The following DLGAP2 variants were observed in gnomAD, a reference collection of about 807,000 sequenced individuals.
DLGAP2 encodes DLG associated protein 2.
In DLGAP2, 26 loss-of-function variants were observed where a neutral mutation model predicts 100.3. The observed-to-expected ratio is 0.26, with a 90% CI of 0.19 to 0.36. DLGAP2 has a LOEUF of 0.36. DLGAP2 is among the 10% of genes least tolerant of loss of function. The probability of loss-of-function intolerance (pLI) is 1.00; values close to 1 mark genes in which losing one functional copy is unlikely to be tolerated. For missense variants in DLGAP2, 1,858 were observed against 1,453.2 expected (o/e 1.28, Z -4.53); for synonymous variants, 886 against 630.1 (o/e 1.41, Z -6.08).
chr8:1,547,128 G>A (rs1801569626), intron 4 of DLGAP2, among the ~76,000 whole-genome samples: 1 of 152,152 alleles, frequency 6.6e-6, no homozygotes, highest in African/African-American at 2.4e-5. Flanking sequence ...GCAGCCGGGT[G>A]TGCTTAAGGC....
At chr8:1,100,845 A>G (rs1008567340) in intron 2 of DLGAP2, among the ~76,000 whole-genome samples, 4 of 152,250 alleles carry the variant, frequency 2.6e-5, no homozygotes, top group African/African-American at 4.8e-5. Context: ...AATTTCATAC[A>G]GATGATAGCA....
At chr8:1,561,797 G>A (rs370749833) in intron 5 of DLGAP2, among the ~76,000 whole-genome samples, 2 of 36,040 alleles carry the variant, frequency 5.5e-5, no homozygotes, top group Non-Finnish European at 1.1e-4. Flanking sequence ...GTGTGGTGTT[G>A]GGGTGTCTGC....
chr8:845,236 G>A (rs1275130537), intron 1 of DLGAP2, among the ~76,000 whole-genome samples: 1 of 152,172 alleles, frequency 6.6e-6, no homozygotes, highest in Non-Finnish European at 1.5e-5. Context: ...TTCCAAAGTT[G>A]CAGCATGAGT....
intron 6 of DLGAP2, among the ~76,000 whole-genome samples, chr8:1,603,083 C>T (rs185518713): frequency 6.6e-6 from 1 of 151,570 alleles, no homozygotes; most frequent in Non-Finnish European, 1.5e-5. Flanking sequence ...AGCTGGGTCT[C>T]AGTTCTGCAG....
In DLGAP2 at chr8:1,481,471, C is replaced by CTTTTTTTTTTTTTTT. The variant is rs1165790168; in HGVS notation, c.107-19885_107-19871dup. Among the ~76,000 whole-genome samples, 27 of 43,694 alleles carry CTTTTTTTTTTTTTTT rather than the reference C, an allele frequency of 6.2e-4. 1 individual carries two copies. Among genetic ancestry groups the CTTTTTTTTTTTTTTT allele is most frequent in the East Asian group, 9.3e-4 (1 of 1,076 alleles). 28.7% of individuals were successfully genotyped at this position (43,694 alleles called of 152,430 possible). The stretch of plus-strand genomic sequence containing the variant: ...GGATTTTCTTTTTCTTTTTCTTTTT[C>CTTTTTTTTTTTTTTT]TTTTTTTTTTTTTTTTTTTTTTTTG... On this transcript the variant is annotated intron_variant, in intron 3 of 14. Transcript: ENST00000637795.
intron 2 of DLGAP2, among the ~76,000 whole-genome samples, chr8:1,249,286 G>C (rs1798984636): frequency 6.6e-6 from 1 of 152,126 alleles, no homozygotes; most frequent in Non-Finnish European, 1.5e-5. Context: ...GCCTCTCTGT[G>C]GGTCCCGTGG....
chr8:1,703,498 T>C lies in DLGAP2; in HGVS notation c.*2092T>C, dbSNP rs1799629238. ...CATTTTAGACTTTAAAAATGCTGTA[T>C]GATTTCAGATGAACTCTGCTGTTTA... On this transcript the variant is annotated 3_prime_UTR_variant, in exon 15 of 15. Coordinates refer to ENST00000637795, the MANE Select transcript of DLGAP2 (RefSeq NM_001346810.2). The C allele has an allele frequency of 2.0e-5, 3 of 152,598 alleles. No homozygotes were observed. Among genetic ancestry groups the C allele is most frequent in the South Asian group, 4.1e-4 (2 of 4,832 alleles). The allele number at this position is 152,598 out of a possible 1,614,324, so 9.5% of individuals were successfully genotyped here.
chr8:1,696,624 C>T (rs546652749), intron 13 of DLGAP2, among the ~76,000 whole-genome samples: 4 of 152,368 alleles, frequency 2.6e-5, no homozygotes, highest in African/African-American at 9.6e-5. Context: ...TCACCTGTGC[C>T]TCCTAAGTGT....
rs113879086 is a variant in DLGAP2 at position 1,204,375 on chromosome 8, A to G, written c.74-54476A>G. On this transcript the variant is annotated intron_variant, in intron 2 of 14. Transcript: ENST00000637795. ...CGGGGATTCTGGGATTTAAAGAAAG[A>G]TGGATTTTGGAGTGAAGTGATACTC... Among the ~76,000 whole-genome samples, 1,058 of 152,346 alleles carry G rather than the reference A, an allele frequency of 6.9e-3. 10 individuals are homozygous for G. The highest frequency in any genetic ancestry group is 0.023 in the African/African-American group (973 of 41,586).
chr8:854,052 C>G (rs1056814903), intron 1 of DLGAP2, among the ~76,000 whole-genome samples: 1 of 152,174 alleles, frequency 6.6e-6, no homozygotes, highest in African/African-American at 2.4e-5. Flanking sequence ...AGGCCCTCGG[C>G]AGAGAGTGGA....
intron 4 of DLGAP2, among the ~76,000 whole-genome samples, chr8:1,524,892 T>A (rs1276840716): frequency 1.3e-5 from 2 of 152,132 alleles, no homozygotes; most frequent in Admixed American, 1.3e-4. Flanking sequence ...TGTGTTCTGC[T>A]AACCCTCCTG....
intron 3 of DLGAP2, among the ~76,000 whole-genome samples, chr8:1,429,583 A>C (rs1797349486): frequency 6.6e-6 from 1 of 152,076 alleles, no homozygotes; most frequent in Non-Finnish European, 1.5e-5. Flanking sequence ...ATAACAACTT[A>C]CAAGAACTAA....
chr8:1,200,488 C>G (rs1475261516), intron 2 of DLGAP2, among the ~76,000 whole-genome samples: 3 of 152,200 alleles, frequency 2.0e-5, no homozygotes, highest in African/African-American at 7.2e-5. Context: ...CATCTGGCCT[C>G]GTGCTCCTCG....
chr8:1,558,341 G>A (rs1018074842), intron 5 of DLGAP2, among the ~76,000 whole-genome samples: 1 of 152,204 alleles, frequency 6.6e-6, no homozygotes, highest in Non-Finnish European at 1.5e-5. Flanking sequence ...CCATAGGAAA[G>A]ACAGTTCACA....
intron 2 of DLGAP2, among the ~76,000 whole-genome samples, chr8:1,064,177 C>T (rs17740775): frequency 0.13 from 20,499 of 152,194 alleles, 1,482 homozygotes; most frequent in Middle Eastern, 0.25. Context: ...TTAATTCTTG[C>T]TCCCAATTTG....
At chr8:762,468 A>G (rs1821111114) in intron 1 of DLGAP2, among the ~76,000 whole-genome samples, 1 of 152,206 alleles carries the variant, frequency 6.6e-6, no homozygotes, top group Non-Finnish European at 1.5e-5. Flanking sequence ...TTAAGAGGTG[A>G]AACAGAGTAA....
chr8:1,357,025 G>A (rs2129640913), intron 3 of DLGAP2, among the ~76,000 whole-genome samples: 2 of 150,950 alleles, frequency 1.3e-5, no homozygotes, highest in Admixed American at 6.6e-5. Context: ...TCAGAATCTG[G>A]CGGGAGAAAT....
chr8:1,181,998 G>C (rs902225475), intron 2 of DLGAP2, among the ~76,000 whole-genome samples: 2 of 152,248 alleles, frequency 1.3e-5, no homozygotes, highest in Non-Finnish European at 2.9e-5. Context: ...GTGAAGTGGA[G>C]CTGTGGTTTC....
chr8:1,457,616 A>G (rs189638648), intron 3 of DLGAP2, among the ~76,000 whole-genome samples: 41 of 152,274 alleles, frequency 2.7e-4, no homozygotes, highest in African/African-American at 9.1e-4. Context: ...GATATCTGGT[A>G]TTTACTAAAA....
Sources: allele counts gnomAD v4.1 joint callset (sites outside exome capture counted in the v4.1 genomes callset), GRCh38; gene constraint gnomAD v4.1.1; transcripts MANE v1.5; gene names NCBI Gene and HGNC (gene_info 2026-07-23, HGNC 2026-07-21).